TOP6BL: variants seen among roughly 807,000 people sequenced by gnomAD.
TOP6BL encodes type 2 DNA topoisomerase 6 subunit B-like.
the TOP6BL span, among the ~76,000 whole-genome samples, chr11:66,829,156 C>T: frequency 6.7e-6 from 1 of 150,200 alleles, no homozygotes; most frequent in Non-Finnish European, 1.5e-5. Context: ...GAGGCCAAAG[C>T]AGGTGGATCA....
chr11:66,797,972 T>C, the TOP6BL span, among the ~76,000 whole-genome samples: 1 of 152,248 alleles, frequency 6.6e-6, no homozygotes, highest in African/African-American at 2.4e-5. Flanking sequence ...AAGTGCTCTT[T>C]GTGCACTCGC....
the TOP6BL span, chr11:66,759,206 A>G: frequency 1.4e-6 from 1 of 713,620 alleles, no homozygotes; most frequent in Non-Finnish European, 2.2e-6. Flanking sequence ...TTATAAATAA[A>G]AATACAGGAT....
At chr11:66,795,345 A>C in the TOP6BL span, among the ~76,000 whole-genome samples, 1 of 142,858 alleles carries the variant, frequency 7.0e-6, no homozygotes, top group Non-Finnish European at 1.5e-5. Flanking sequence ...TCTGTCACCC[A>C]GGCTGGAGTG....
chr11:66,760,609 C>T, the TOP6BL span, among the ~76,000 whole-genome samples: 3 of 122,546 alleles, frequency 2.4e-5, no homozygotes, highest in South Asian at 2.7e-4. Context: ...AGCACCATCA[C>T]GAGACCCCAT....
At chr11:66,775,073 A>C in the TOP6BL span, among the ~76,000 whole-genome samples, 5 of 135,052 alleles carry the variant, frequency 3.7e-5, no homozygotes, top group African/African-American at 1.3e-4. Context: ...AGATCGCACC[A>C]CTGCACTCCT....
chr11:66,786,767 T>C, the TOP6BL span, among the ~76,000 whole-genome samples: 3 of 152,194 alleles, frequency 2.0e-5, no homozygotes, highest in Non-Finnish European at 4.4e-5. Flanking sequence ...GTGGTGAAAC[T>C]GAAGATTGAC....
At chr11:66,767,753 A>G in the TOP6BL span, among the ~76,000 whole-genome samples, 1 of 152,138 alleles carries the variant, frequency 6.6e-6, no homozygotes, top group African/African-American at 2.4e-5. Context: ...TCTTCCCTAT[A>G]TGCTACCCTT....
At chr11:66,780,611 A>T in the TOP6BL span, among the ~76,000 whole-genome samples, 1 of 151,802 alleles carries the variant, frequency 6.6e-6, no homozygotes, top group African/African-American at 2.4e-5. Flanking sequence ...ACAGAGTCTC[A>T]CTCTCTCACC....
chr11:66,807,405 C>G, the TOP6BL span, among the ~76,000 whole-genome samples: 1 of 152,092 alleles, frequency 6.6e-6, no homozygotes, highest in Non-Finnish European at 1.5e-5. Flanking sequence ...AACCCTGTCT[C>G]TATTAAAAAT....
At chr11:66,831,966 C>T in the TOP6BL span, among the ~76,000 whole-genome samples, 1 of 121,964 alleles carries the variant, frequency 8.2e-6, no homozygotes. Flanking sequence ...CACTGTACTC[C>T]AGCCTGGGCA....
chr11:66,764,974 A>C, the TOP6BL span, among the ~76,000 whole-genome samples: 148 of 152,186 alleles, frequency 9.7e-4, no homozygotes, highest in Non-Finnish European at 1.5e-3. Flanking sequence ...TCTCCAAAAA[A>C]AAAAAGCTAT....
chr11:66,755,888 A>G, the TOP6BL span, among the ~76,000 whole-genome samples: 1 of 152,174 alleles, frequency 6.6e-6, no homozygotes, highest in Non-Finnish European at 1.5e-5. Context: ...TGGCCTTCTT[A>G]TAAGTACACC....
chr11:66,812,533 GT>G, the TOP6BL span, among the ~76,000 whole-genome samples: 1 of 152,112 alleles, frequency 6.6e-6, no homozygotes, highest in Non-Finnish European at 1.5e-5. Context: ...CTTAGTTCAT[GT>G]GTTAATGCCT....
chr11:66,825,942 C>T, the TOP6BL span, among the ~76,000 whole-genome samples: 7 of 151,876 alleles, frequency 4.6e-5, no homozygotes, highest in South Asian at 2.1e-4. Context: ...CTCAGGTTCA[C>T]GCCATTCTCC....
chr11:66,829,258 T>C, the TOP6BL span, among the ~76,000 whole-genome samples: 2 of 149,894 alleles, frequency 1.3e-5, no homozygotes, highest in Non-Finnish European at 3.0e-5. Context: ...TGGTGGCACA[T>C]GCCTGTTGTC....
At chr11:66,822,674 A>C in the TOP6BL span, 1 of 1,533,132 alleles carries the variant, frequency 6.5e-7, no homozygotes, top group South Asian at 1.2e-5. Flanking sequence ...AGACCCTTCA[A>C]GTTAGTAGGA....
chr11:66,783,301 T>C, the TOP6BL span, among the ~76,000 whole-genome samples: 1 of 152,200 alleles, frequency 6.6e-6, no homozygotes, highest in Admixed American at 6.5e-5. Context: ...AGTTGAAGGC[T>C]GCAGTGAGCT....
the TOP6BL span, among the ~76,000 whole-genome samples, chr11:66,824,716 G>A: frequency 2.7e-5 from 4 of 150,076 alleles, no homozygotes; most frequent in Admixed American, 6.7e-5. Context: ...TTGTCCTTGC[G>A]ATAGTTTGCT....
the TOP6BL span, chr11:66,762,139 C>T: frequency 1.1e-6 from 1 of 886,608 alleles, no homozygotes; most frequent in South Asian, 1.3e-5. Context: ...TTTTCCTTTC[C>T]TCCTGAATTT....
Sources: allele counts gnomAD v4.1 joint callset (sites outside exome capture counted in the v4.1 genomes callset), GRCh38; gene constraint gnomAD v4.1.1; transcripts MANE v1.5; gene names NCBI Gene and HGNC (gene_info 2026-07-23, HGNC 2026-07-21).